Variants in DPP10 observed in about 807,000 individuals in gnomAD.
DPP10 encodes the protein inactive dipeptidyl peptidase 10.
DPP10 carries 33 observed loss-of-function variants against 120.9 expected under a neutral mutation model. The observed-to-expected ratio is 0.27, with a 90% CI of 0.21 to 0.37. The LOEUF is 0.37. DPP10 is among the 10% of genes least tolerant of loss of function. The probability of loss-of-function intolerance (pLI) is 1.00; values close to 1 mark genes in which losing one functional copy is unlikely to be tolerated. For missense variants in DPP10, 816 were observed against 942.8 expected (o/e 0.87, Z 1.76); for synonymous variants, 337 against 326.1 (o/e 1.03, Z -0.36).
chr2:115,803,285 T>A (rs948189683), intron 19 of DPP10, among the ~76,000 whole-genome samples: 1 of 152,208 alleles, frequency 6.6e-6, no homozygotes, highest in Non-Finnish European at 1.5e-5. Flanking sequence ...ATTTTCTTGG[T>A]AGATCTTCCT....
intron 1 of DPP10, among the ~76,000 whole-genome samples, chr2:114,791,538 G>A (rs1021556395): frequency 1.3e-5 from 2 of 151,894 alleles, no homozygotes; most frequent in African/African-American, 2.4e-5. Context: ...TTCACTTTTC[G>A]CTTGGGCTTT....
intron 3 of DPP10, among the ~76,000 whole-genome samples, chr2:115,470,948 T>C (rs917516500): frequency 6.6e-6 from 1 of 152,176 alleles, no homozygotes; most frequent in Non-Finnish European, 1.5e-5. Flanking sequence ...AGAGAACCTT[T>C]CCAGAAGAGC....
At chr2:115,075,609 A>G (rs1707720886) in intron 1 of DPP10, among the ~76,000 whole-genome samples, 1 of 152,174 alleles carries the variant, frequency 6.6e-6, no homozygotes, top group Non-Finnish European at 1.5e-5. Context: ...GAGATTTTAA[A>G]TATCTCTTGA....
intron 4 of DPP10, among the ~76,000 whole-genome samples, chr2:115,505,270 T>C (rs887304341): frequency 2.0e-5 from 3 of 151,908 alleles, no homozygotes; most frequent in Non-Finnish European, 2.9e-5. Flanking sequence ...TTAAAAATAA[T>C]ATAACTAAAT....
At chr2:114,725,859 C>A (rs1461425152) in intron 1 of DPP10, among the ~76,000 whole-genome samples, 2 of 152,302 alleles carry the variant, frequency 1.3e-5, no homozygotes, top group Non-Finnish European at 2.9e-5. Flanking sequence ...TTCCCTGCAT[C>A]TCCTAAACCG....
chr2:115,573,341 T>G (rs1387212263), intron 5 of DPP10, among the ~76,000 whole-genome samples: 3 of 144,974 alleles, frequency 2.1e-5, no homozygotes, highest in Non-Finnish European at 4.5e-5. Context: ...GGAGTGCAGT[T>G]GTAGGATCTT....
intron 1 of DPP10, among the ~76,000 whole-genome samples, chr2:114,693,589 G>A (rs1395046617): frequency 6.6e-6 from 1 of 151,856 alleles, no homozygotes; most frequent in Non-Finnish European, 1.5e-5. Context: ...TATCCTACTG[G>A]AGTTCTCTGA....
At chr2:115,092,369 T>A (rs1435510877) in intron 1 of DPP10, among the ~76,000 whole-genome samples, 1 of 152,216 alleles carries the variant, frequency 6.6e-6, no homozygotes, top group East Asian at 1.9e-4. Flanking sequence ...AGCTTATATC[T>A]AATCTTGTAT....
chr2:115,432,109 A>G (rs1421990166), intron 3 of DPP10, among the ~76,000 whole-genome samples: 1 of 152,120 alleles, frequency 6.6e-6, no homozygotes, highest in African/African-American at 2.4e-5. Flanking sequence ...AAGGGATTTC[A>G]AATTATATAG....
At chr2:115,151,414 C>CTT (rs35551255) in intron 1 of DPP10, among the ~76,000 whole-genome samples, 75 of 141,126 alleles carry the variant, frequency 5.3e-4, no homozygotes, top group South Asian at 2.3e-3. Flanking sequence ...CTTTCTTATA[C>CTT]TTTTTTTTTT....
chr2:115,258,818 G>A (rs1192066027), intron 1 of DPP10, among the ~76,000 whole-genome samples: 1 of 152,190 alleles, frequency 6.6e-6, no homozygotes, highest in East Asian at 1.9e-4. Flanking sequence ...GATCACTTGA[G>A]CCTGAGGCTG....
intron 7 of DPP10, among the ~76,000 whole-genome samples, chr2:115,697,429 G>T (rs2091652133): frequency 6.6e-6 from 1 of 151,926 alleles, no homozygotes; most frequent in African/African-American, 2.4e-5. Flanking sequence ...AATAGGGGTT[G>T]CTATACTAAC....
intron 1 of DPP10, among the ~76,000 whole-genome samples, chr2:114,664,570 A>G (rs1697749125): frequency 1.4e-5 from 2 of 147,330 alleles, no homozygotes; most frequent in South Asian, 4.4e-4. Flanking sequence ...CGGAGGTTGC[A>G]GTGAGCCGAG....
intron 1 of DPP10, among the ~76,000 whole-genome samples, chr2:114,569,814 ACACT>A (rs1689479310): frequency 6.6e-6 from 1 of 152,186 alleles, no homozygotes; most frequent in African/African-American, 2.4e-5. Context: ...GTGATAAATC[ACACT>A]CACACACACA....
At chr2:115,525,472 T>C (rs576795281) in intron 4 of DPP10, among the ~76,000 whole-genome samples, 1 of 152,206 alleles carries the variant, frequency 6.6e-6, no homozygotes, top group African/African-American at 2.4e-5. Flanking sequence ...TTTTTAAATA[T>C]AAACATTCAA....
At chr2:114,477,899 GTA>G (rs1258520948) in intron 1 of DPP10, among the ~76,000 whole-genome samples, 1 of 132,264 alleles carries the variant, frequency 7.6e-6, no homozygotes, top group Admixed American at 8.3e-5. Flanking sequence ...GTACATATGT[GTA>G]TATATGTACA....
chr2:115,068,806 C>T (rs754912545), intron 1 of DPP10, among the ~76,000 whole-genome samples: 1 of 152,110 alleles, frequency 6.6e-6, no homozygotes, highest in Non-Finnish European at 1.5e-5. Context: ...GTTTTCCCAA[C>T]ATCTTTATTG....
intron 5 of DPP10, among the ~76,000 whole-genome samples, chr2:115,603,122 CTGTGTGTGTGTGTGTGTGTGTGTGTGTG>C (rs61161169): frequency 1.0e-4 from 15 of 143,904 alleles, no homozygotes; most frequent in Non-Finnish European, 2.3e-4. Flanking sequence ...ATAAATAAAA[CTGTGTGTGTGTGTGTGTGTGTGTGTGTG>C]TGTGTGTGTG....
At chr2:115,376,483 G>T (rs2106432088) in intron 3 of DPP10, among the ~76,000 whole-genome samples, 1 of 151,148 alleles carries the variant, frequency 6.6e-6, no homozygotes, top group African/African-American at 2.4e-5. Context: ...ATGGCATTCA[G>T]AATTTGAATT....
Sources: allele counts gnomAD v4.1 joint callset (sites outside exome capture counted in the v4.1 genomes callset), GRCh38; gene constraint gnomAD v4.1.1; transcripts MANE v1.5; gene names NCBI Gene and HGNC (gene_info 2026-07-23, HGNC 2026-07-21).